RFTN1: variants seen among roughly 807,000 people sequenced by gnomAD.
RFTN1 encodes the protein raftlin, lipid raft linker 1, also known as raftlin.
RFTN1 carries 26 observed loss-of-function variants against 46.5 expected under a neutral mutation model. The observed-to-expected ratio is 0.56, with a 90% CI of 0.41 to 0.78. The LOEUF (loss-of-function observed/expected upper bound fraction) is 0.78, where lower values mean the gene tolerates loss of function less well. RFTN1 is among the 30% of genes least tolerant of loss of function. RFTN1 has a pLI of 0.00. For missense variants in RFTN1, 693 were observed against 718.7 expected, an observed-to-expected ratio of 0.96 and a Z score of 0.41; for synonymous variants, 261 against 284.2, an observed-to-expected ratio of 0.92 and a Z score of 0.82.
In RFTN1 at chr3:16,341,730, A is replaced by G. The variant is rs572870505; in HGVS notation, c.1147-14854T>C. Among the ~76,000 whole-genome samples, 18 of 152,364 alleles carry G rather than the reference A, an allele frequency of 1.2e-4. No homozygotes were observed. In the South Asian group the frequency reaches 3.5e-3, roughly 30 times the overall value. The stretch of plus-strand genomic sequence containing the variant: ...AACCCACCAATGGAAAACTAATTAA[A>G]TAAATTAAAATTTTTCATAGATTGA... On this transcript the variant is annotated intron_variant, in intron 7 of 9. Transcript: ENST00000334133. The surrounding 1 kb of genome is among the most constrained non-coding windows in gnomAD (Gnocchi z 4.7).
chr3:16,343,788 C>T (rs1030187636), intron 7 of RFTN1, among the ~76,000 whole-genome samples: 8 of 152,138 alleles, frequency 5.3e-5, no homozygotes, highest in Admixed American at 5.2e-4. Flanking sequence ...ATGGCTGGTC[C>T]CTGACTCAAG....
Position 16,422,388 on chromosome 3 carries a change from T to C in RFTN1, c.332+11463A>G, listed in dbSNP as rs1042430413. ...GCTCACGCCTGTAATCCCAGCACTT[T>C]GGGAGGCTGAGGCGGGTGGATCATG... On this transcript the variant is annotated intron_variant, in intron 3 of 9. Coordinates refer to ENST00000334133, the MANE Select transcript of RFTN1 (RefSeq NM_015150.2). The surrounding 1 kb of genome is among the most constrained non-coding windows in gnomAD (Gnocchi z 4.6). Among the ~76,000 whole-genome samples, 2 of 151,906 alleles carry C rather than the reference T, an allele frequency of 1.3e-5. No homozygotes were observed. The highest frequency in any genetic ancestry group is 4.8e-5 in the African/African-American group (2 of 41,324).
At chr3:16,391,858 GTTTTTTT>G (rs1272551461) in intron 4 of RFTN1, among the ~76,000 whole-genome samples, 2 of 49,122 alleles carry the variant, frequency 4.1e-5, no homozygotes, top group East Asian at 1.6e-3. Context: ...TAGTGCAAAG[GTTTTTTT>G]TTTGTTTTTT....
rs571139635 is a variant in RFTN1, at chr3:16,422,779, C to G, written c.332+11072G>C. 3.9e-5 allele frequency among the ~76,000 whole-genome samples: 6 copies of G among 152,242 alleles called. No homozygotes were observed. In the East Asian group the frequency reaches 1.2e-3, roughly 29 times the overall value. On this transcript the variant is annotated intron_variant, in intron 3 of 9. Transcript: ENST00000334133. The surrounding 1 kb of genome is among the most constrained non-coding windows in gnomAD (Gnocchi z 4.6). ...TAGATTGGGATGTACATATAGAAAT[C>G]CTAACTATAATAAAGGTGGCATTTA...
chr3:16,401,395 C>T (rs1044880347), intron 4 of RFTN1, among the ~76,000 whole-genome samples: 2 of 151,878 alleles, frequency 1.3e-5, no homozygotes, highest in Non-Finnish European at 2.9e-5. Context: ...TCCTTCTAGA[C>T]ACATTTACTT....
chr3:16,486,245 T>G (rs560547820), intron 2 of RFTN1, among the ~76,000 whole-genome samples: 5 of 152,040 alleles, frequency 3.3e-5, no homozygotes, highest in Non-Finnish European at 7.4e-5. Context: ...TTTCTATATG[T>G]TTCCCCTCCC....
Position 16,433,949 on chromosome 3 carries a change from C to A in RFTN1, c.234G>T (p.Ser78=), listed in dbSNP as rs144679139. The change falls in exon 3 of 10, where the codon TCG becomes TCT. Residue 78 remains serine, a synonymous_variant. Transcript: ENST00000334133. The surrounding 1 kb of genome is among the most constrained non-coding windows in gnomAD (Gnocchi z 4.4). Reference sequence around the variant, plus strand: ...GCACGAAGGGGTGCAGGGCCGCCAGCGAGAAGCCCTGCTGGTACAGCTCCA... The same window carrying A: ...GCACGAAGGGGTGCAGGGCCGCCAGAGAGAAGCCCTGCTGGTACAGCTCCA... ...QLLELYQQGF[S]LAALHPFVQP... 1.2e-6 allele frequency: 2 copies of A among 1,614,004 alleles called. No homozygotes were observed. Among genetic ancestry groups the A allele is most frequent in the African/African-American group, 2.7e-5 (2 of 74,924 alleles).
At chr3:16,408,223 G>A (rs1207589757) in intron 4 of RFTN1, among the ~76,000 whole-genome samples, 1 of 151,888 alleles carries the variant, frequency 6.6e-6, no homozygotes, top group Non-Finnish European at 1.5e-5. Context: ...GAGCACAGCC[G>A]CATCCCCAAA....
At chr3:16,339,805 G>A (rs1157436130) in intron 7 of RFTN1, 2 of 152,168 alleles carry the variant, frequency 1.3e-5, no homozygotes, top group African/African-American at 4.8e-5. Context: ...TGAATCCCAG[G>A]CACTTAAGGA....
intron 2 of RFTN1, among the ~76,000 whole-genome samples, chr3:16,467,247 T>C (rs2076112097): frequency 6.6e-6 from 1 of 152,038 alleles, no homozygotes; most frequent in Non-Finnish European, 1.5e-5. Flanking sequence ...GCATTGGAAA[T>C]GAGGGAAGGC....
Position 16,459,530 on chromosome 3 carries a change from C to T in RFTN1, c.146-25493G>A, listed in dbSNP as rs902289479. On this transcript the variant is annotated intron_variant, in intron 2 of 9. Coordinates refer to ENST00000334133, the MANE Select transcript of RFTN1 (RefSeq NM_015150.2). This position sits in a 1 kb window ranked among gnomAD's most constrained non-coding sequence, Gnocchi z 4.2. Reference sequence around the variant, plus strand: ...ACTGCTTAAGCTCAGGAGTTCAAGGCTACAGTGAGCTGTGATCGTGCCACT... The same window carrying T: ...ACTGCTTAAGCTCAGGAGTTCAAGGTTACAGTGAGCTGTGATCGTGCCACT... Among the ~76,000 whole-genome samples the T allele has an allele frequency of 1.3e-5, 2 of 152,106 alleles. No individual in the cohort carries two copies. The highest frequency in any genetic ancestry group is 1.3e-4 in the Admixed American group (2 of 15,268).
rs573809130 is a variant in RFTN1, at chr3:16,450,651, C to G, written c.146-16614G>C. ...CTGAGGCAGGACAGGCACCCCAAACCAGGATTAAAACAATAAGTTTAACAA... is the reference window on the plus strand; with the variant it reads ...CTGAGGCAGGACAGGCACCCCAAACGAGGATTAAAACAATAAGTTTAACAA... On this transcript the variant is annotated intron_variant, in intron 2 of 9. Transcript: ENST00000334133. The surrounding 1 kb of genome is among the most constrained non-coding windows in gnomAD (Gnocchi z 4.6). 4.6e-5 allele frequency among the ~76,000 whole-genome samples: 7 copies of G among 152,346 alleles called. No individual in the cohort carries two copies. The South Asian group carries it at 1.0e-3, about 23-fold the overall frequency.
chr3:16,471,554 G>C (rs1426794483), intron 2 of RFTN1, among the ~76,000 whole-genome samples: 2 of 152,218 alleles, frequency 1.3e-5, no homozygotes, highest in Non-Finnish European at 2.9e-5. Context: ...GTCAGGGAGA[G>C]AAGGAAACTT....
intron 3 of RFTN1, among the ~76,000 whole-genome samples, chr3:16,409,862 T>C (rs112614324): frequency 5.9e-5 from 9 of 152,152 alleles, no homozygotes; most frequent in African/African-American, 1.4e-4. Context: ...TTTTTTTGTA[T>C]TTTTAGTAGA....
chr3:16,482,683 C>A lies in RFTN1; in HGVS notation c.145+11042G>T, dbSNP rs1423923016. On this transcript the variant is annotated intron_variant, in intron 2 of 9. Transcript: ENST00000334133. ...TCTATAAGGATTAATTGACACTGAG[C>A]ACCATGCATGCCACATTAGCTGTTA... 9 of 1,239,476 alleles carry A rather than the reference C, an allele frequency of 7.3e-6. 1 individual carries two copies. The highest frequency in any genetic ancestry group is 4.5e-5 in the African/African-American group (3 of 67,126). The allele number at this position is 1,239,476 out of a possible 1,614,324, so 76.8% of individuals were successfully genotyped here. A position where few individuals can be genotyped will look rare whatever the true frequency, so the allele number is the denominator to read the frequency against.
chr3:16,348,615 G>A lies in RFTN1; in HGVS notation c.1146+9317C>T, dbSNP rs566780624. 2.7e-4 allele frequency among the ~76,000 whole-genome samples: 41 copies of A among 152,238 alleles called. No homozygotes were observed. The highest frequency in any genetic ancestry group is 3.7e-4 in the Non-Finnish European group (25 of 67,996). On this transcript the variant is annotated intron_variant, in intron 7 of 9. Transcript: ENST00000334133. The surrounding 1 kb of genome is among the most constrained non-coding windows in gnomAD (Gnocchi z 6.3). ...TTCCTTTGTAGGATGTCTTCTTCCCGAGGCTCCTTGATGTGTGGGGCCTCA... is the reference window on the plus strand; with the variant it reads ...TTCCTTTGTAGGATGTCTTCTTCCCAAGGCTCCTTGATGTGTGGGGCCTCA...
At chr3:16,444,868 A>T (rs2075698260) in intron 2 of RFTN1, among the ~76,000 whole-genome samples, 1 of 152,228 alleles carries the variant, frequency 6.6e-6, no homozygotes, top group African/African-American at 2.4e-5. Flanking sequence ...AAAACTGGGT[A>T]AGTCATCATC....
intron 6 of RFTN1, among the ~76,000 whole-genome samples, chr3:16,358,522 A>G (rs1337185359): frequency 6.6e-6 from 1 of 151,818 alleles, no homozygotes; most frequent in Non-Finnish European, 1.5e-5. Context: ...GGAAGTTCAC[A>G]TGATGTGGGC....
In RFTN1 at chr3:16,370,998, C is replaced by T. The variant is rs2073476425; in HGVS notation, c.827-719G>A. 1 of 152,340 alleles carries T rather than the reference C, an allele frequency of 6.6e-6. No homozygotes were observed. Among genetic ancestry groups the T allele is most frequent in the South Asian group, 2.1e-4 (1 of 4,826 alleles). 9.4% of individuals were successfully genotyped at this position (152,340 alleles called of 1,614,324 possible). A position where few individuals can be genotyped will look rare whatever the true frequency, so the allele number is the denominator to read the frequency against. ...CCAGCAGCTGAGCCGCAACTGCCTA[C>T]GTGCAGCTGGGCGTGGCTTAGCAGT... is the stretch of plus-strand genomic sequence containing the variant. On this transcript the variant is annotated intron_variant, in intron 5 of 9. Transcript: ENST00000334133. The surrounding 1 kb of genome is among the most constrained non-coding windows in gnomAD (Gnocchi z 5.5).
Sources: allele counts gnomAD v4.1 joint callset (sites outside exome capture counted in the v4.1 genomes callset), GRCh38; gene constraint gnomAD v4.1.1; non-coding constraint Gnocchi (gnomAD v3.1); transcripts MANE v1.5; gene names NCBI Gene and HGNC (gene_info 2026-07-23, HGNC 2026-07-21).